GCDH: variants seen among roughly 807,000 people sequenced by gnomAD.
GCDH encodes glutaryl-CoA dehydrogenase.
In GCDH, 31 loss-of-function variants were observed where a neutral mutation model predicts 52.8. The observed-to-expected ratio is 0.59, with a 90% CI of 0.44 to 0.79. The LOEUF (loss-of-function observed/expected upper bound fraction) is 0.79. Ranked by LOEUF, GCDH falls within the 30% of genes least tolerant of loss-of-function variation. The pLI, the probability that GCDH is intolerant of heterozygous loss-of-function variation, is 0.00. For missense variants in GCDH, 509 were observed against 595.0 expected (o/e 0.86, Z 1.50); for synonymous variants, 242 against 250.0 (o/e 0.97, Z 0.30).
In GCDH at chr19:12,897,005, C is replaced by T. The variant is rs772743499; in HGVS notation, c.948C>T (p.Ala316=). ...GCTTGCACACAGCCCGGCAGTACGC[C>T]CTCGACAGGTGTGTGAGGGCTGCAG... ...EFCLHTARQY[A]LDRMQFGVPL... is the part of the protein sequence containing the mutation. Residue 316 remains alanine (A), a synonymous_variant, in exon 9 of 12, where the codon GCC becomes GCT. Coordinates refer to ENST00000222214, the MANE Select transcript of GCDH (RefSeq NM_000159.4). The T allele has an allele frequency of 1.9e-5, 31 of 1,611,170 alleles. No homozygotes were observed. The highest frequency in any genetic ancestry group is 2.4e-5 in the Non-Finnish European group (28 of 1,178,760).
chr19:12,894,003 C>A, intron 6 of GCDH: 2 of 584,538 alleles, frequency 3.4e-6, no homozygotes, highest in Non-Finnish European at 6.1e-6. Context: ...GAGTTCGAAA[C>A]CAGCCTGGGC....
At chr19:12,894,064 T>C (rs1970617941) in intron 6 of GCDH, 2 of 703,680 alleles carry the variant, frequency 2.8e-6, no homozygotes, top group East Asian at 5.0e-5. Flanking sequence ...GGAAAGAGCC[T>C]ATGTGACCTG....
At chr19:12,893,702 T>C in intron 6 of GCDH, 49 bp downstream of exon 6, 1 of 1,537,556 alleles carries the variant, frequency 6.5e-7, no homozygotes. Context: ...GTCTCTGAGG[T>C]CTGGAACTCA....
intron 6 of GCDH, among the ~76,000 whole-genome samples, chr19:12,895,412 A>C (rs1376477586): frequency 6.6e-6 from 1 of 151,804 alleles, no homozygotes; most frequent in Non-Finnish European, 1.5e-5. Flanking sequence ...GGTGCTTGCT[A>C]CCCGTGCCTG....
chr19:12,898,192 G>T, intron 11 of GCDH: 1 of 407,848 alleles, frequency 2.5e-6, no homozygotes, highest in South Asian at 2.2e-5. Flanking sequence ...TAGCAGGCTG[G>T]TGGACGCAAG....
chr19:12,892,452 T>C (rs1296690098), intron 5 of GCDH: 1 of 537,844 alleles, frequency 1.9e-6, no homozygotes, highest in Middle Eastern at 5.0e-4. Flanking sequence ...CCACCATGCC[T>C]GGCTAATTTT....
rs1970725668 is a variant in GCDH, at chr19:12,897,919, C to A, written c.1243+56C>A. ...GGCCTCAGTGTCTGGGGAGGGGGTA[C>A]AGGGAGGTGGGACGGGGACAGGTCT... On this transcript the variant is annotated intron_variant, in intron 11 of 11. Coordinates refer to ENST00000222214, the MANE Select transcript of GCDH (RefSeq NM_000159.4). 4.0e-6 allele frequency: 6 copies of A among 1,490,898 alleles called. No homozygotes were observed. In the South Asian group the frequency reaches 6.8e-5, roughly 17 times the overall value. 92.4% of individuals were successfully genotyped at this position (1,490,898 alleles called of 1,614,324 possible).
At chr19:12,897,962 T>C in intron 11 of GCDH, 99 bp downstream of exon 11, 1 of 1,006,054 alleles carries the variant, frequency 9.9e-7, no homozygotes, top group Admixed American at 1.9e-5. Flanking sequence ...ACTCCACCTA[T>C]CACTAAGTGA....
intron 11 of GCDH, chr19:12,899,136 G>T: frequency 1.7e-6 from 1 of 595,582 alleles, no homozygotes. Flanking sequence ...ACTTGCCAAG[G>T]GTGGGGAGCA....
chr19:12,891,518 T>A lies in GCDH; in HGVS notation c.123T>A (p.Ala41=). ...GCGGGAGAACACAGAGCCAACTGGC[T>A]AAGTGTAAGGACCTCTGGTCGCACC... ...EKGGRTQSQL[A]KSSRPEFDWQ... is the part of the protein sequence containing the mutation. Residue 41 remains alanine, a synonymous_variant, in exon 3 of 12, where the codon GCT becomes GCA. Transcript: ENST00000222214. 2.5e-6 allele frequency: 4 copies of A among 1,614,166 alleles called. No homozygotes were observed. The highest frequency in any genetic ancestry group is 3.4e-6 in the Non-Finnish European group (4 of 1,180,024).
At position 12,896,854 on chromosome 19, in the gene GCDH, C is replaced by A; in HGVS notation, c.853-56C>A. On this transcript the variant is annotated intron_variant, in intron 8 of 11. Transcript: ENST00000222214. This position sits in a 1 kb window ranked among gnomAD's most constrained non-coding sequence, Gnocchi z 5.5. ...TTTCCCTGCTTCAGAGTTGGTTCTG[C>A]ATAGGCCCTCTTGGTGTCTCTTGGG... is the stretch of plus-strand genomic sequence containing the variant. The A allele has an allele frequency of 7.9e-7, 1 of 1,259,210 alleles. No homozygotes were observed. Among genetic ancestry groups the A allele is most frequent in the Non-Finnish European group, 1.2e-6 (1 of 860,290 alleles). The allele number at this position is 1,259,210 out of a possible 1,614,324, so 78.0% of individuals were successfully genotyped here.
At chr19:12,891,620 G>C (rs765806472) in intron 3 of GCDH, 98 bp downstream of exon 3, 5 of 1,611,402 alleles carry the variant, frequency 3.1e-6, no homozygotes, top group Middle Eastern at 4.0e-4. Context: ...CTGCCCGAGC[G>C]GGGTGGCAGG....
intron 5 of GCDH, chr19:12,892,526 A>T: frequency 2.7e-6 from 1 of 364,010 alleles, no homozygotes; most frequent in Non-Finnish European, 5.2e-6. Context: ...TCCTGACCTC[A>T]GGTGATCCGC....
intron 11 of GCDH, chr19:12,898,186 A>AG (rs1460842117): frequency 3.6e-5 from 15 of 414,054 alleles, no homozygotes; most frequent in Non-Finnish European, 6.4e-5. Context: ...GACTCCTAGC[A>AG]GGCTGGTGGA....
In GCDH at chr19:12,899,463, T is replaced by C; in HGVS notation, c.1244-5T>C. On this transcript the variant is annotated splice_polypyrimidine_tract_variant and splice_region_variant and intron_variant, in intron 11 of 11. Transcript: ENST00000222214. ...CCAAACCGACTCTGTATTAATCTTGTCCAGGTACACATGACATTCACGCCC... is the reference window on the plus strand; with the variant it reads ...CCAAACCGACTCTGTATTAATCTTGCCCAGGTACACATGACATTCACGCCC... 1 of 1,614,172 alleles carries C rather than the reference T, an allele frequency of 6.2e-7. No individual in the cohort carries two copies. The highest frequency in any genetic ancestry group is 8.5e-7 in the Non-Finnish European group (1 of 1,180,016).
intron 6 of GCDH, chr19:12,894,815 G>A (rs574802028): frequency 5.0e-5 from 32 of 633,886 alleles, no homozygotes; most frequent in African/African-American, 2.9e-4. Context: ...GGGACAAATC[G>A]TGAAGAGACG....
intron 5 of GCDH, 126 bp downstream of exon 5, chr19:12,892,304 T>TC (rs200795262): frequency 2.9e-5 from 26 of 890,118 alleles, no homozygotes; most frequent in African/African-American, 3.5e-5. Flanking sequence ...CCTTTCTTCT[T>TC]CCCCCCCAAC....
rs576948027 is a variant in GCDH, at chr19:12,896,039, G to A, written c.553G>A (p.Gly185Arg). 19 of 1,613,932 alleles carry A rather than the reference G, an allele frequency of 1.2e-5. No homozygotes were observed. The highest frequency in any genetic ancestry group is 1.7e-5 in the Admixed American group (1 of 59,978). Residue 185 changes from glycine to arginine, a missense_variant, in exon 7 of 12, where the codon GGA (glycine) becomes AGA (arginine). Transcript: ENST00000222214. The surrounding 1 kb of genome is among the most constrained non-coding windows in gnomAD (Gnocchi z 5.5). ...GCFGLTEPNS[G>R]SDPSSMETRA... Reference sequence around the variant, plus strand: ...CTTCGGGCTCACAGAGCCCAACAGCGGAAGTGACCCCAGCAGCATGGAGAC... The same window carrying A: ...CTTCGGGCTCACAGAGCCCAACAGCAGAAGTGACCCCAGCAGCATGGAGAC...
chr19:12,896,166 G>A lies in GCDH; in HGVS notation c.636-39G>A, dbSNP rs1211236615. ...GGCAGGTGGTGAACAGGGGCAAAGG[G>A]GCACTGGTCAGACCCCTCACCGACT... On this transcript the variant is annotated intron_variant, in intron 7 of 11. Transcript: ENST00000222214. This position sits in a 1 kb window ranked among gnomAD's most constrained non-coding sequence, Gnocchi z 5.5. 6.2e-7 allele frequency: 1 copy of A among 1,614,072 alleles called. No homozygotes were observed. Among genetic ancestry groups the A allele is most frequent in the East Asian group, 2.2e-5 (1 of 44,864 alleles).
Sources: allele counts gnomAD v4.1 joint callset (sites outside exome capture counted in the v4.1 genomes callset), GRCh38; gene constraint gnomAD v4.1.1; non-coding constraint Gnocchi (gnomAD v3.1); transcripts MANE v1.5; gene names NCBI Gene and HGNC (gene_info 2026-07-23, HGNC 2026-07-21).